RBFOX1: variants seen among roughly 807,000 people sequenced by gnomAD.
RBFOX1 encodes the protein RNA binding fox-1 homolog 1.
RBFOX1 carries 8 observed loss-of-function variants against 57.7 expected under a neutral mutation model. That is an observed-to-expected ratio of 0.14 (90% CI 0.08 to 0.25). RBFOX1 has a LOEUF of 0.25. Ranked by LOEUF, RBFOX1 falls within the 10% of genes least tolerant of loss-of-function variation. RBFOX1 has a pLI of 1.00. For missense variants in RBFOX1, 611 were observed against 548.5 expected (o/e 1.11, Z -1.14); for synonymous variants, 326 against 222.4 (o/e 1.47, Z -4.15).
chr16:5,252,829 C>T (rs2151081724), intron 1 of RBFOX1, among the ~76,000 whole-genome samples: 1 of 152,328 alleles, frequency 6.6e-6, no homozygotes, highest in Non-Finnish European at 1.5e-5. Context: ...AGCCCTCATC[C>T]CCACCACCTC....
rs112735446 is a variant in RBFOX1, at chr16:6,093,866, C to T, written c.-127+73874C>T. 1.9e-3 allele frequency among the ~76,000 whole-genome samples: 288 copies of T among 152,154 alleles called. 2 individuals carry two copies. Among genetic ancestry groups the T allele is most frequent in the African/African-American group, 6.8e-3 (281 of 41,514 alleles). ...AACTCCTAGGCTCAAGCAATTCTCC[C>T]TCCTCCGCCTCCCAAAGTTCTGAGA... is the stretch of plus-strand genomic sequence containing the variant. On this transcript the variant is annotated intron_variant, in intron 1 of 15. Coordinates refer to ENST00000550418, the MANE Select transcript of RBFOX1 (RefSeq NM_018723.4).
At chr16:6,977,585 C>A (rs57412659) in intron 3 of RBFOX1, among the ~76,000 whole-genome samples, 4 of 151,952 alleles carry the variant, frequency 2.6e-5, no homozygotes, top group Admixed American at 1.3e-4. Flanking sequence ...GTTCCTAACT[C>A]AGGACAGATG....
intron 4 of RBFOX1, among the ~76,000 whole-genome samples, chr16:7,108,834 T>C (rs557827897): frequency 7.9e-5 from 12 of 152,320 alleles, no homozygotes; most frequent in Admixed American, 6.5e-4. Context: ...CCGTCAAGGA[T>C]GGACTAGTGA....
intron 4 of RBFOX1, among the ~76,000 whole-genome samples, chr16:5,910,455 G>A (rs555822805): frequency 5.3e-5 from 8 of 152,352 alleles, no homozygotes; most frequent in Admixed American, 3.3e-4. Context: ...CAGGCAGGAT[G>A]AAACATGGTC....
At chr16:6,150,784 A>G (rs1399604489) in intron 1 of RBFOX1, among the ~76,000 whole-genome samples, 1 of 152,206 alleles carries the variant, frequency 6.6e-6, no homozygotes. Context: ...ATTTGTGCCT[A>G]GGACATCAGA....
chr16:6,905,057 C>G (rs372991455), intron 3 of RBFOX1, among the ~76,000 whole-genome samples: 26 of 152,124 alleles, frequency 1.7e-4, no homozygotes, highest in Non-Finnish European at 2.9e-4. Context: ...AATTGAATTA[C>G]TTAATAAACT....
At chr16:6,310,603 C>G (rs369500477) in intron 1 of RBFOX1, among the ~76,000 whole-genome samples, 1 of 152,110 alleles carries the variant, frequency 6.6e-6, no homozygotes, top group African/African-American at 2.4e-5. Context: ...GCAGCTTGCC[C>G]AGAACTAATA....
intron 3 of RBFOX1, among the ~76,000 whole-genome samples, chr16:6,817,794 C>G (rs2090424110): frequency 6.6e-6 from 1 of 152,100 alleles, no homozygotes; most frequent in South Asian, 2.1e-4. Flanking sequence ...AAGTTTCTGA[C>G]AAAAACCTTA....
At chr16:5,730,786 T>C (rs1352574082) in intron 3 of RBFOX1, among the ~76,000 whole-genome samples, 1 of 150,620 alleles carries the variant, frequency 6.6e-6, no homozygotes, top group East Asian at 2.0e-4. Context: ...GTCACCAATG[T>C]TAACACCATT....
intron 4 of RBFOX1, among the ~76,000 whole-genome samples, chr16:5,968,290 G>T (rs915962624): frequency 2.0e-5 from 3 of 151,994 alleles, no homozygotes; most frequent in African/African-American, 7.3e-5. Context: ...GGCCCGGCTG[G>T]TCTCAAACTC....
intron 3 of RBFOX1, among the ~76,000 whole-genome samples, chr16:6,961,656 A>G (rs1441477318): frequency 6.6e-6 from 1 of 152,132 alleles, no homozygotes; most frequent in East Asian, 1.9e-4. Context: ...GGGGTGAATT[A>G]TGAGTTTTCT....
intron 1 of RBFOX1, among the ~76,000 whole-genome samples, chr16:6,295,836 A>G (rs2078040903): frequency 6.6e-6 from 1 of 152,222 alleles, no homozygotes; most frequent in Admixed American, 6.5e-5. Flanking sequence ...GCGATTTGTC[A>G]GCTTTGTTTG....
At chr16:7,602,826 CAT>C (rs1349123953) in intron 9 of RBFOX1, among the ~76,000 whole-genome samples, 2 of 152,174 alleles carry the variant, frequency 1.3e-5, no homozygotes, top group Non-Finnish European at 2.9e-5. Context: ...GGATAAGCCA[CAT>C]GTCAGGCCAC....
chr16:5,994,162 T>C (rs1176399163), intron 4 of RBFOX1, among the ~76,000 whole-genome samples: 3 of 151,976 alleles, frequency 2.0e-5, no homozygotes, highest in African/African-American at 4.8e-5. Flanking sequence ...ATTCATTGGG[T>C]TTTTTGTTTA....
chr16:6,360,015 G>A (rs947276179), intron 2 of RBFOX1, among the ~76,000 whole-genome samples: 5 of 152,098 alleles, frequency 3.3e-5, no homozygotes, highest in South Asian at 2.1e-4. Flanking sequence ...AGAACGTGAG[G>A]AACAATTTTG....
At chr16:6,760,341 A>G (rs144565849) in intron 3 of RBFOX1, among the ~76,000 whole-genome samples, 101 of 152,312 alleles carry the variant, frequency 6.6e-4, no homozygotes, top group African/African-American at 2.2e-3. Context: ...AGGGGAATCA[A>G]GATGGTTTCA....
In RBFOX1 at chr16:7,688,398, G is replaced by A. The variant is rs537347535; in HGVS notation, c.995+11560G>A. On this transcript the variant is annotated intron_variant, in intron 14 of 15. Coordinates refer to ENST00000550418, the MANE Select transcript of RBFOX1 (RefSeq NM_018723.4). ...ATTAAGAAGCCAAATAATGAGAAGT[G>A]AGCAGAATCTTTGCCCATAAGACTT... Among the ~76,000 whole-genome samples, 3 of 152,086 alleles carry A rather than the reference G, an allele frequency of 2.0e-5. No homozygotes were observed. In the South Asian group the frequency reaches 6.2e-4, roughly 32 times the overall value.
chr16:7,180,446 A>G lies in RBFOX1; in HGVS notation c.27+128348A>G, dbSNP rs892818343. Among the ~76,000 whole-genome samples, 6 of 152,156 alleles carry G rather than the reference A, an allele frequency of 3.9e-5. No homozygotes were observed. In the East Asian group the frequency reaches 1.2e-3, roughly 29 times the overall value. On this transcript the variant is annotated intron_variant, in intron 4 of 15. Coordinates refer to ENST00000550418, the MANE Select transcript of RBFOX1 (RefSeq NM_018723.4). Reference sequence around the variant, plus strand: ...CAGATGCCGGGCAAGGTGAAGCCCTACATTCTACAGACGTGTTTTCAGAAA... The same window carrying G: ...CAGATGCCGGGCAAGGTGAAGCCCTGCATTCTACAGACGTGTTTTCAGAAA...
Position 5,370,520 on chromosome 16 carries a change from T to G in RBFOX1, c.220-96696T>G, listed in dbSNP as rs1320663204. On this transcript the variant is annotated intron_variant, in intron 1 of 2. Transcript: ENST00000585867. ...TATTATTATTTTATATAAGATAGCG[T>G]CTCACTTTGTCACCCAGGATGGAAT... 2.6e-5 allele frequency among the ~76,000 whole-genome samples: 4 copies of G among 151,374 alleles called. No homozygotes were observed. The South Asian group carries it at 8.4e-4, about 32-fold the overall frequency.
Sources: allele counts gnomAD v4.1 joint callset (sites outside exome capture counted in the v4.1 genomes callset), GRCh38; gene constraint gnomAD v4.1.1; transcripts MANE v1.5; gene names NCBI Gene and HGNC (gene_info 2026-07-23, HGNC 2026-07-21).